DMD: variants seen among roughly 807,000 people sequenced by gnomAD.
The protein encoded by DMD is mutant dystrophin.
Under a neutral mutation model 330.1 loss-of-function variants are expected in DMD, and 63 were observed. The ratio of observed to expected loss-of-function variants is 0.19; its 90% CI spans 0.16 to 0.24. The LOEUF (loss-of-function observed/expected upper bound fraction) is 0.24, where lower values mean the gene tolerates loss of function less well. DMD is among the 10% of genes least tolerant of loss of function. The pLI is 1.00. For missense variants in DMD, 3,344 were observed against 2,684.1 expected, an observed-to-expected ratio of 1.25 and a Z score of -5.43; for synonymous variants, 1,223 against 959.8, an observed-to-expected ratio of 1.27 and a Z score of -5.07.
chrX:31,535,597 A>G (rs978447250), intron 55 of DMD, among the ~76,000 whole-genome samples: 17 of 108,721 alleles, frequency 1.6e-4, no homozygotes, highest in Non-Finnish European at 2.7e-4. Context: ...TCATGTCCAA[A>G]ACACCAAAAG....
intron 55 of DMD, among the ~76,000 whole-genome samples, chrX:31,528,793 T>C (rs777131724): frequency 1.9e-4 from 21 of 110,362 alleles, no homozygotes; most frequent in African/African-American, 5.9e-4. Flanking sequence ...CTATAGTTCA[T>C]TGTCCAAACC....
chrX:31,251,356 C>G (rs973136159), intron 63 of DMD, among the ~76,000 whole-genome samples: 1 of 110,848 alleles, frequency 9.0e-6, no homozygotes, highest in Non-Finnish European at 1.9e-5. Flanking sequence ...CACTTTCTTA[C>G]CAAAATTAAT....
At chrX:32,449,782 T>G (rs1036137832) in intron 26 of DMD, among the ~76,000 whole-genome samples, 1 of 110,432 alleles carries the variant, frequency 9.1e-6, no homozygotes, top group African/African-American at 3.3e-5. Flanking sequence ...GTATCTTTAG[T>G]CTGTGTTCCT....
At chrX:33,014,050 G>A (rs1448023908) in intron 2 of DMD, among the ~76,000 whole-genome samples, 7 of 112,087 alleles carry the variant, frequency 6.2e-5, no homozygotes, top group Admixed American at 2.8e-4. Context: ...TTCATGTTAA[G>A]GATTGATATA....
At chrX:33,117,902 G>A (rs67692685) in intron 1 of DMD, among the ~76,000 whole-genome samples, 3,222 of 110,900 alleles carry the variant, frequency 0.029, 125 homozygotes, top group African/African-American at 0.1. Flanking sequence ...CATATACTAC[G>A]GGACAAAACA....
At chrX:32,630,883 G>A (rs917028603) in intron 11 of DMD, among the ~76,000 whole-genome samples, 5 of 111,582 alleles carry the variant, frequency 4.5e-5, no homozygotes, top group South Asian at 3.8e-4. Flanking sequence ...TGATGCTTCC[G>A]GATGTTCATC....
chrX:33,030,567 G>A (rs1304215721), intron 1 of DMD, among the ~76,000 whole-genome samples: 1 of 111,363 alleles, frequency 9.0e-6, no homozygotes, highest in African/African-American at 3.3e-5. Flanking sequence ...AATGTGCTTT[G>A]GTAGTGTTCA....
At chrX:33,211,616 CCTT>C (rs1365346152), upstream of DMD, 23 of 939,196 alleles carry the variant, frequency 2.4e-5, no homozygotes, top group Non-Finnish European at 3.1e-5. Context: ...AAGTGACCCG[CCTT>C]CTCTCTCAAG....
In DMD at chrX:32,400,236, C is replaced by T. The variant is rs755077404; in HGVS notation, c.4234-10055G>A. Among the ~76,000 whole-genome samples, 381 of 111,684 alleles carry T rather than the reference C, an allele frequency of 3.4e-3. 2 individuals carry two copies. Among genetic ancestry groups the T allele is most frequent in the African/African-American group, 0.012 (356 of 30,707 alleles). ...ATAATCATGTGGTTTTTGTCTTTGG[C>T]TCTGTTTAGATGCTGGATTACATTT... On this transcript the variant is annotated intron_variant, in intron 30 of 78. Transcript: ENST00000357033.
intron 43 of DMD, among the ~76,000 whole-genome samples, chrX:32,256,159 T>G (rs5927065): frequency 9.1e-6 from 1 of 110,292 alleles, no homozygotes; most frequent in Non-Finnish European, 1.9e-5. Context: ...CGAATCTGGG[T>G]GCTCCTGTAT....
At chrX:32,999,781 C>CAAAAAA (rs1437477637) in intron 2 of DMD, among the ~76,000 whole-genome samples, 6 of 100,747 alleles carry the variant, frequency 6.0e-5, no homozygotes, top group African/African-American at 2.2e-4. Context: ...ATCTCAAAAA[C>CAAAAAA]AAAAACAAAA....
At chrX:31,759,671 T>C (rs2089419457) in intron 51 of DMD, among the ~76,000 whole-genome samples, 1 of 111,863 alleles carries the variant, frequency 8.9e-6, no homozygotes, top group Non-Finnish European at 1.9e-5. Context: ...ATTCTAAATA[T>C]AAATTACTAT....
At chrX:31,959,531 T>G (rs1489505091) in intron 45 of DMD, among the ~76,000 whole-genome samples, 1 of 111,683 alleles carries the variant, frequency 9.0e-6, no homozygotes, top group African/African-American at 3.3e-5. Context: ...TGGTATGGGG[T>G]CCGAGACTTT....
At chrX:32,766,752 G>A (rs1418577654) in intron 7 of DMD, among the ~76,000 whole-genome samples, 2 of 111,416 alleles carry the variant, frequency 1.8e-5, no homozygotes, top group Admixed American at 1.9e-4. Context: ...TTTCGAAGCT[G>A]CTAAGAGAGT....
At chrX:31,853,330 T>C (rs1180376639) in intron 48 of DMD, among the ~76,000 whole-genome samples, 1 of 112,897 alleles carries the variant, frequency 8.9e-6, no homozygotes, top group Non-Finnish European at 1.9e-5. Flanking sequence ...CAAATAAATG[T>C]GGCTGTGTTC....
At chrX:31,712,757 T>G (rs756960724) in intron 52 of DMD, among the ~76,000 whole-genome samples, 99 of 111,544 alleles carry the variant, frequency 8.9e-4, no homozygotes, top group African/African-American at 3.1e-3. Context: ...CTGCCTTTGG[T>G]TCTCCCTTTA....
chrX:32,159,591 T>A (rs775031753), intron 44 of DMD, among the ~76,000 whole-genome samples: 16 of 111,419 alleles, frequency 1.4e-4, no homozygotes, highest in Admixed American at 8.6e-4. Context: ...TTAACCAAGA[T>A]TAAGGGAGAA....
At chrX:31,998,551 G>C (rs2095605061) in intron 44 of DMD, among the ~76,000 whole-genome samples, 1 of 111,703 alleles carries the variant, frequency 9.0e-6, no homozygotes, top group Non-Finnish European at 1.9e-5. Flanking sequence ...ATAATAGTTA[G>C]AAAGGCTGAT....
intron 12 of DMD, among the ~76,000 whole-genome samples, chrX:32,611,767 T>C (rs1351784890): frequency 1.8e-5 from 2 of 112,046 alleles, no homozygotes; most frequent in African/African-American, 3.2e-5. Context: ...AGCAGCAGTG[T>C]CCTGCCTTCT....
Sources: gnomAD v4.1 joint callset for allele counts (sites outside exome capture counted in the v4.1 genomes callset) on GRCh38, gnomAD v4.1.1 for gene constraint, MANE v1.5 for transcripts, NCBI Gene and HGNC (gene_info 2026-07-23, HGNC 2026-07-21) for gene names.